The following MAB21L4 variants were observed in gnomAD, a reference collection of about 807,000 sequenced individuals.
The protein encoded by MAB21L4 is mab-21 like 4.
Under a neutral mutation model 32.4 loss-of-function variants are expected in MAB21L4, and 25 were observed. That is an observed-to-expected ratio of 0.77 (90% CI 0.56 to 1.08). MAB21L4 has a LOEUF of 1.08. Among genes scored for constraint, MAB21L4 ranks in the 50% least tolerant of loss-of-function variants. The probability of loss-of-function intolerance (pLI) is 0.00; values close to 1 mark genes in which losing one functional copy is unlikely to be tolerated. For synonymous variants in MAB21L4, 280 were observed against 276.8 expected (o/e 1.01, Z -0.11); for missense variants, 638 against 611.0 (o/e 1.04, Z -0.47).
intron 4 of MAB21L4, among the ~76,000 whole-genome samples, chr2:240,887,440 C>T (rs1453189436): frequency 6.6e-6 from 1 of 152,218 alleles, no homozygotes; most frequent in Admixed American, 6.5e-5. Context: ...CGGTGACCAC[C>T]CCACCCTCAC....
chr2:240,889,784 C>A (rs1273580314), intron 3 of MAB21L4, among the ~76,000 whole-genome samples: 1 of 152,226 alleles, frequency 6.6e-6, no homozygotes, highest in Non-Finnish European at 1.5e-5. Context: ...ATGGCGAAGG[C>A]CAGCCTGCGG....
chr2:240,888,063 A>G (rs2059110905), intron 4 of MAB21L4, among the ~76,000 whole-genome samples: 1 of 152,182 alleles, frequency 6.6e-6, no homozygotes, highest in African/African-American at 2.4e-5. Context: ...CCCTGGTTCC[A>G]GGGAGAAGCC....
intron 2 of MAB21L4, among the ~76,000 whole-genome samples, chr2:240,890,701 A>G (rs540529122): frequency 3.3e-4 from 51 of 152,344 alleles, no homozygotes; most frequent in Non-Finnish European, 1.0e-4. Flanking sequence ...AACAGGGGCC[A>G]GTAACGCGCC....
Position 240,888,315 on chromosome 2 carries a change from A to G in MAB21L4, c.1228T>C (p.Tyr410His). The G allele has an allele frequency of 6.3e-7, 1 of 1,579,674 alleles. No homozygotes were observed. The highest frequency in any genetic ancestry group is 8.6e-7 in the Non-Finnish European group (1 of 1,167,172). Residue 410 changes from tyrosine (Y) to histidine (H), a missense_variant, in exon 4 of 5, where the codon TAC (tyrosine) becomes CAC (histidine). Physicochemically the swap from Tyr to His is moderately conservative, Grantham distance 83. Coordinates refer to ENST00000388934, the MANE Select transcript of MAB21L4 (RefSeq NM_001085437.3). ...ASDPTYWATA[Y>H]FDVLLDKFQV... ...ACCTTGTCCAGCAGGACGTCGAAGT[A>G]GGCAGTGGCCCAGTAAGTGGGGTCA...
chr2:240,891,508 A>G, intron 2 of MAB21L4, 30 bp downstream of exon 2: 1 of 1,557,282 alleles, frequency 6.4e-7, no homozygotes, highest in Non-Finnish European at 8.7e-7. Context: ...CCCCTCCCCA[A>G]GAACCTTGTG....
chr2:240,887,086 C>T lies in MAB21L4; in HGVS notation c.1328G>A (p.Gly443Glu). The T allele has an allele frequency of 6.2e-7, 1 of 1,614,080 alleles. No homozygotes were observed. The change falls in exon 5 of 5, where the codon GGA (glycine) becomes GAA (glutamate). Residue 443 changes from glycine (G) to glutamate (E), a missense_variant. Transcript: ENST00000388934. The part of the protein sequence containing the change: ...QSIFQKTRTL[G>E]GEES ...TGGCCCAGCTCAGCTCTCCTCGCCT[C>T]CCAGAGTCCTGGTCTTCTGGAAGAT...
Position 240,890,706 on chromosome 2 carries a change from C to T in MAB21L4, c.741-548G>A, listed in dbSNP as rs562270426. 7.4e-4 allele frequency among the ~76,000 whole-genome samples: 112 copies of T among 152,348 alleles called. 2 individuals are homozygous for T. The highest frequency in any genetic ancestry group is 2.6e-3 in the Admixed American group (40 of 15,308). On this transcript the variant is annotated intron_variant, in intron 2 of 4. Coordinates refer to ENST00000388934, the MANE Select transcript of MAB21L4 (RefSeq NM_001085437.3). ...AAGGAGCCACAACAGGGGCCAGTAA[C>T]GCGCCCAGTGTCCCCCGCAAGCCTA... is the stretch of plus-strand genomic sequence containing the variant.
chr2:240,895,521 G>A lies in MAB21L4; in HGVS notation c.477C>T (p.Ala159=), dbSNP rs768895040. Residue 159 remains alanine (A), a synonymous_variant, in exon 1 of 5, where the codon GCC becomes GCT. Coordinates refer to ENST00000388934, the MANE Select transcript of MAB21L4 (RefSeq NM_001085437.3). ...LCVLKDLLVA[A]IVHCKHHSLI... ...GACTGTGGTGCTTGCAGTGTACGAT[G>A]GCTGCTACCAGCAGGTCCTTGAGGA... The A allele has an allele frequency of 6.3e-7, 1 of 1,595,112 alleles. No individual in the cohort carries two copies. Among genetic ancestry groups the A allele is most frequent in the African/African-American group, 1.3e-5 (1 of 74,560 alleles).
chr2:240,896,019 G>A lies in MAB21L4; in HGVS notation c.-22C>T, dbSNP rs1452710288. Reference sequence around the variant, plus strand: ...GCATCCCTTCAACAGTGGCAGGTGAGGGCCAGTGGCCCCTGAGGAGGACTC... The same window carrying A: ...GCATCCCTTCAACAGTGGCAGGTGAAGGCCAGTGGCCCCTGAGGAGGACTC... On this transcript the variant is annotated 5_prime_UTR_variant, in exon 1 of 5. Transcript: ENST00000388934. 24 of 1,427,690 alleles carry A rather than the reference G, an allele frequency of 1.7e-5. No individual in the cohort carries two copies. Among genetic ancestry groups the A allele is most frequent in the Non-Finnish European group, 2.0e-5 (22 of 1,095,454 alleles). 88.4% of individuals were successfully genotyped at this position (1,427,690 alleles called of 1,614,324 possible).
chr2:240,889,610 C>G (rs1226601213), intron 3 of MAB21L4, among the ~76,000 whole-genome samples: 1 of 152,214 alleles, frequency 6.6e-6, no homozygotes, highest in African/African-American at 2.4e-5. Flanking sequence ...TGTGCCTGGA[C>G]TCTCCTGGGA....
At chr2:240,895,377 G>A (rs966018271) in intron 1 of MAB21L4, 107 bp downstream of exon 1, 38 of 1,122,592 alleles carry the variant, frequency 3.4e-5, no homozygotes, top group Middle Eastern at 6.1e-4. Context: ...CTGTGTGCAC[G>A]TACATGGCAA....
At chr2:240,893,148 G>A (rs898685032) in intron 1 of MAB21L4, among the ~76,000 whole-genome samples, 2 of 152,182 alleles carry the variant, frequency 1.3e-5, no homozygotes, top group Non-Finnish European at 2.9e-5. Context: ...GCGTTTCCCC[G>A]AGGGAATCCT....
intron 1 of MAB21L4, among the ~76,000 whole-genome samples, chr2:240,893,733 A>G (rs1475352536): frequency 6.6e-6 from 1 of 152,174 alleles, no homozygotes; most frequent in Admixed American, 6.5e-5. Context: ...CTGCTTTCTC[A>G]GGAGGCACTC....
At chr2:240,889,086 A>C in intron 3 of MAB21L4, among the ~76,000 whole-genome samples, 1 of 151,770 alleles carries the variant, frequency 6.6e-6, no homozygotes, top group African/African-American at 2.4e-5. Flanking sequence ...GGCCTGAACC[A>C]CAAGACCTGA....
At chr2:240,891,914 C>A in intron 1 of MAB21L4, 151 bp from the exon 2 acceptor site, 1 of 1,573,192 alleles carries the variant, frequency 6.4e-7, no homozygotes, top group East Asian at 2.4e-5. Flanking sequence ...GGCTGCAGCT[C>A]CCCAACCCCA....
chr2:240,893,586 G>C (rs1392911573), intron 1 of MAB21L4, among the ~76,000 whole-genome samples: 2 of 152,344 alleles, frequency 1.3e-5, no homozygotes, highest in African/African-American at 4.8e-5. Flanking sequence ...TTCCCAGGGT[G>C]GGGGCAGCCT....
chr2:240,891,474 A>T (rs1407005529), intron 2 of MAB21L4, 64 bp downstream of exon 2: 6 of 1,433,004 alleles, frequency 4.2e-6, no homozygotes, highest in Non-Finnish European at 5.7e-6. Flanking sequence ...CCAGGGGAGC[A>T]TGGGGGCAGT....
In MAB21L4 at chr2:240,891,904, G is replaced by GGCTGCAGCT. The variant is rs778971256; in HGVS notation, c.515-150_515-142dup. The GGCTGCAGCT allele has an allele frequency of 3.3e-5, 52 of 1,574,746 alleles. No individual in the cohort carries two copies. In the African/African-American group the frequency reaches 4.3e-4, roughly 13 times the overall value. On this transcript the variant is annotated intron_variant, in intron 1 of 4. Transcript: ENST00000388934. The stretch of plus-strand genomic sequence containing the variant: ...CCCTCTCTGCTGGCCCCCACCTGCA[G>GGCTGCAGCT]GCTGCAGCTCCCCAACCCCAGACAC...
At chr2:240,892,076 C>A in intron 1 of MAB21L4, 2 of 1,441,306 alleles carry the variant, frequency 1.4e-6, no homozygotes, top group Admixed American at 2.5e-5. Context: ...CTTTGCCAGG[C>A]ACCACCCTCA....
Sources: gnomAD v4.1 joint callset for allele counts (sites outside exome capture counted in the v4.1 genomes callset) on GRCh38, gnomAD v4.1.1 for gene constraint, MANE v1.5 for transcripts, NCBI Gene and HGNC (gene_info 2026-07-23, HGNC 2026-07-21) for gene names.